Variants in ARHGAP32 observed in about 807,000 individuals in gnomAD.
ARHGAP32 encodes Rho GTPase activating protein 32, also known as rho GTPase-activating protein 32.
ARHGAP32 carries 51 observed loss-of-function variants against 186.5 expected under a neutral mutation model. That is an observed-to-expected ratio of 0.27 (90% CI 0.22 to 0.35). The LOEUF is 0.35. Ranked by LOEUF, ARHGAP32 falls within the 10% of genes least tolerant of loss-of-function variation. The pLI, the probability that ARHGAP32 is intolerant of heterozygous loss-of-function variation, is 1.00. For synonymous variants in ARHGAP32, 950 were observed against 964.3 expected (o/e 0.99, Z 0.27); for missense variants, 2,186 against 2,623.5 (o/e 0.83, Z 3.64).
chr11:129,009,037 G>A (rs372088708), intron 11 of ARHGAP32, among the ~76,000 whole-genome samples: 11 of 152,054 alleles, frequency 7.2e-5, no homozygotes, highest in South Asian at 2.1e-4. Flanking sequence ...GACAAGATCC[G>A]CAGAAAACTA....
At chr11:128,999,046 A>T (rs1946277419) in intron 11 of ARHGAP32, among the ~76,000 whole-genome samples, 1 of 152,250 alleles carries the variant, frequency 6.6e-6, no homozygotes, top group South Asian at 2.1e-4. Context: ...TGCAATTTTC[A>T]GGGAACAAGG....
intron 12 of ARHGAP32, among the ~76,000 whole-genome samples, chr11:128,993,085 GAC>G (rs1417134545): frequency 6.6e-6 from 1 of 152,184 alleles, no homozygotes; most frequent in African/African-American, 2.4e-5. Flanking sequence ...TTGTACAGAA[GAC>G]ACAGGTCAAG....
intron 2 of ARHGAP32, among the ~76,000 whole-genome samples, chr11:129,155,699 T>A (rs1459742394): frequency 2.9e-5 from 4 of 139,940 alleles, no homozygotes; most frequent in African/African-American, 5.2e-5. Flanking sequence ...AAGAAATGTG[T>A]CAAAAAAAAA....
chr11:129,074,269 T>C (rs1248524859), intron 6 of ARHGAP32, among the ~76,000 whole-genome samples: 2 of 71,256 alleles, frequency 2.8e-5, no homozygotes, highest in African/African-American at 1.5e-4. Context: ...ACTATGTGTG[T>C]TTTACATATA....
At chr11:129,182,520 G>A (rs1222931296) in intron 1 of ARHGAP32, among the ~76,000 whole-genome samples, 1 of 151,434 alleles carries the variant, frequency 6.6e-6, no homozygotes, top group Non-Finnish European at 1.5e-5. Flanking sequence ...GATGTTTTTT[G>A]TTTTATGTAG....
At chr11:129,021,579 T>A (rs1422539719) in intron 11 of ARHGAP32, among the ~76,000 whole-genome samples, 3 of 152,172 alleles carry the variant, frequency 2.0e-5, no homozygotes, top group South Asian at 2.1e-4. Context: ...ATTATCTACA[T>A]TACACACTTA....
intron 1 of ARHGAP32, among the ~76,000 whole-genome samples, chr11:129,278,860 T>C (rs1945570335): frequency 6.7e-6 from 1 of 149,034 alleles, no homozygotes; most frequent in Admixed American, 6.7e-5. Context: ...CGGAGAGCGC[T>C]GCGGCAGGCC....
chr11:129,196,738 T>G (rs894110944), upstream of ARHGAP32, among the ~76,000 whole-genome samples: 1 of 152,120 alleles, frequency 6.6e-6, no homozygotes, highest in African/African-American at 2.4e-5. Context: ...TTCTCCAGGA[T>G]TATCCAGTTC....
intron 2 of ARHGAP32, among the ~76,000 whole-genome samples, chr11:129,129,216 AG>A (rs1942746391): frequency 7.1e-6 from 1 of 140,342 alleles, no homozygotes; most frequent in African/African-American, 2.7e-5. Context: ...GGAAGTGAGG[AG>A]CCCCTCCACC....
Position 129,124,836 on chromosome 11 carries a change from C to A in ARHGAP32, c.284G>T (p.Ser95Ile). 6.2e-7 allele frequency: 1 copy of A among 1,611,026 alleles called. No individual in the cohort carries two copies. The highest frequency in any genetic ancestry group is 8.5e-7 in the Non-Finnish European group (1 of 1,178,550). ...ATGCTTAACCTTCATACTGGCTGTA[C>A]TGCCACACGTCTTAAGAGTAAGATC... is the stretch of plus-strand genomic sequence containing the variant. ...PGDLTLKTCG[S>I]TASMKVKHVK... Residue 95 changes from serine to isoleucine, a missense_variant, in exon 3 of 23, where the codon AGT becomes ATT. Around this residue, in one of 5 missense-constraint regions of ARHGAP32, gnomAD observed 108 missense variants for 116.8 expected, o/e 0.92. Coordinates refer to ENST00000682385, the MANE Select transcript of ARHGAP32 (RefSeq NM_001378024.1).
At chr11:129,205,498 C>T (rs1417480742) in intron 1 of ARHGAP32, among the ~76,000 whole-genome samples, 1 of 152,028 alleles carries the variant, frequency 6.6e-6, no homozygotes, top group Non-Finnish European at 1.5e-5. Context: ...GAAATTTGGG[C>T]TCAGACAATT....
chr11:129,030,883 C>T (rs1336408704), intron 11 of ARHGAP32, among the ~76,000 whole-genome samples: 1 of 152,198 alleles, frequency 6.6e-6, no homozygotes, highest in African/African-American at 2.4e-5. Context: ...AGTGAATACT[C>T]GTGAGATCTG....
chr11:129,004,048 T>C (rs1461771111), intron 11 of ARHGAP32, among the ~76,000 whole-genome samples: 1 of 151,998 alleles, frequency 6.6e-6, no homozygotes, highest in Non-Finnish European at 1.5e-5. Flanking sequence ...CCCATAGGTT[T>C]TGGTATGTTG....
At chr11:129,061,880 G>C (rs1431500418) in intron 10 of ARHGAP32, among the ~76,000 whole-genome samples, 1 of 152,156 alleles carries the variant, frequency 6.6e-6, no homozygotes, top group Non-Finnish European at 1.5e-5. Flanking sequence ...GTAATTAAAA[G>C]TAAGTTTACA....
At chr11:128,981,361 C>T in intron 17 of ARHGAP32, 55 bp downstream of exon 17, 1 of 1,519,880 alleles carries the variant, frequency 6.6e-7, no homozygotes, top group South Asian at 1.3e-5. Flanking sequence ...TGGTTTGCTA[C>T]TCCTCTGGAA....
At chr11:129,129,562 T>C (rs886291549) in intron 2 of ARHGAP32, among the ~76,000 whole-genome samples, 1 of 152,218 alleles carries the variant, frequency 6.6e-6, no homozygotes, top group Non-Finnish European at 1.5e-5. Flanking sequence ...GAACGGGCCA[T>C]GATGACGACG....
chr11:129,219,785 A>G (rs1944689809), intron 1 of ARHGAP32, among the ~76,000 whole-genome samples: 1 of 152,124 alleles, frequency 6.6e-6, no homozygotes, highest in Non-Finnish European at 1.5e-5. Context: ...GAGTGAAAAA[A>G]GTAGAGACAT....
intron 5 of ARHGAP32, among the ~76,000 whole-genome samples, chr11:129,102,252 G>A (rs1941920897): frequency 6.6e-6 from 1 of 152,162 alleles, no homozygotes; most frequent in South Asian, 2.1e-4. Flanking sequence ...GAAACACACT[G>A]AAATAAGCAG....
chr11:129,064,591 C>T (rs1464338016), intron 8 of ARHGAP32, among the ~76,000 whole-genome samples: 1 of 152,018 alleles, frequency 6.6e-6, no homozygotes, highest in Admixed American at 6.6e-5. Flanking sequence ...CATTAGTATA[C>T]TAAACACCAA....
Sources: allele counts gnomAD v4.1 joint callset (sites outside exome capture counted in the v4.1 genomes callset), GRCh38; gene constraint gnomAD v4.1.1; regional missense constraint gnomAD v4.1.1; transcripts MANE v1.5; gene names NCBI Gene and HGNC (gene_info 2026-07-23, HGNC 2026-07-21).